USP29: variants seen among roughly 807,000 people sequenced by gnomAD.
USP29 encodes ubiquitin carboxyl-terminal hydrolase 29.
For missense variants in USP29, 1,102 were observed against 1,069.0 expected, an observed-to-expected ratio of 1.03 and a Z score of -0.43; for synonymous variants, 386 against 387.4, an observed-to-expected ratio of 1.00 and a Z score of 0.04.
upstream of USP29, among the ~76,000 whole-genome samples, chr19:57,119,713 G>A (rs1390450438): frequency 2.0e-5 from 3 of 152,114 alleles, no homozygotes; most frequent in Non-Finnish European, 2.9e-5. Flanking sequence ...GTGAGCCACC[G>A]CGCCCGGCCG....
At chr19:57,127,845 C>A (rs879521054) in intron 3 of USP29, among the ~76,000 whole-genome samples, 5 of 152,192 alleles carry the variant, frequency 3.3e-5, no homozygotes, top group Non-Finnish European at 5.9e-5. Context: ...TCAACTCTTG[C>A]AACTAGCTCG....
chr19:57,125,190 G>A (rs1242535196), intron 3 of USP29, among the ~76,000 whole-genome samples: 2 of 152,168 alleles, frequency 1.3e-5, no homozygotes, highest in African/African-American at 4.8e-5. Flanking sequence ...TTTTTAGTGA[G>A]TTTCTTAATC....
chr19:57,128,865 C>A lies in USP29; in HGVS notation c.190C>A (p.His64Asn), dbSNP rs759804630. ...SNNIRSVVLR[H>N]CKKRQSHLRL... Reference sequence around the variant, plus strand: ...CAACATTAGAAGTGTGGTCCTTAGACATTGTAAAAAAAGACAAAGTCACCT... The same window carrying A: ...CAACATTAGAAGTGTGGTCCTTAGAAATTGTAAAAAAAGACAAAGTCACCT... The change falls in exon 4 of 4, where the codon CAT (histidine) becomes AAT (asparagine). Residue 64 changes from histidine (H) to asparagine (N), a missense_variant. By Grantham distance (68) the His-to-Asn change is moderately conservative (BLOSUM62 1). Transcript: ENST00000254181. 17 of 1,613,072 alleles carry A rather than the reference C, an allele frequency of 1.1e-5. No homozygotes were observed. The highest frequency in any genetic ancestry group is 1.4e-5 in the Non-Finnish European group (17 of 1,179,794).
upstream of USP29, among the ~76,000 whole-genome samples, chr19:57,119,523 A>G (rs1340247814): frequency 6.6e-6 from 1 of 152,110 alleles, no homozygotes; most frequent in Non-Finnish European, 1.5e-5. Flanking sequence ...CCCGGGTTCA[A>G]GCGATTCTCC....
chr19:57,127,023 G>C, intron 3 of USP29, among the ~76,000 whole-genome samples: 1 of 152,146 alleles, frequency 6.6e-6, no homozygotes, highest in East Asian at 1.9e-4. Flanking sequence ...TCTTCTGCAG[G>C]TCTGCTGCAG....
Position 57,128,838 on chromosome 19 carries a change from A to G in USP29, c.163A>G (p.Asn55Asp). 6.2e-7 allele frequency: 1 copy of G among 1,614,060 alleles called. No individual in the cohort carries two copies. The highest frequency in any genetic ancestry group is 8.5e-7 in the Non-Finnish European group (1 of 1,179,986). Reference sequence around the variant, plus strand: ...ATTTATAAGAATTTTTCAGCTGAGCAACAACATTAGAAGTGTGGTCCTTAG... The same window carrying G: ...ATTTATAAGAATTTTTCAGCTGAGCGACAACATTAGAAGTGTGGTCCTTAG... ...GKFIRIFQLS[N>D]NIRSVVLRHC... Residue 55 changes from asparagine to aspartate, a missense_variant, in exon 4 of 4, where the codon AAC becomes GAC. By Grantham distance (23) the Asn-to-Asp change is conservative. Coordinates refer to ENST00000254181, the MANE Select transcript of USP29 (RefSeq NM_020903.3).
chr19:57,127,238 G>C (rs540229408), intron 3 of USP29, among the ~76,000 whole-genome samples: 1 of 152,178 alleles, frequency 6.6e-6, no homozygotes, highest in Admixed American at 6.5e-5. Flanking sequence ...GAAGGCACGG[G>C]GGTCAGGGAC....
rs1251235418 is a variant in USP29, at chr19:57,130,103, C to A, written c.1428C>A (p.Phe476Leu). The stretch of plus-strand genomic sequence containing the variant: ...CCATTCAGAATTCTTTAGATCTTTT[C>A]TTTAAAGAAGAAGAGCTTGAATATA... ...PLSIQNSLDL[F>L]FKEEELEYNC... The change falls in exon 4 of 4, where the codon TTC becomes TTA. Residue 476 changes from phenylalanine (F) to leucine (L), a missense_variant. Physicochemically the swap from Phe to Leu is conservative, Grantham distance 22. Coordinates refer to ENST00000254181, the MANE Select transcript of USP29 (RefSeq NM_020903.3). 3.7e-6 allele frequency: 6 copies of A among 1,613,442 alleles called. No individual in the cohort carries two copies. The highest frequency in any genetic ancestry group is 4.5e-5 in the East Asian group (2 of 44,864).
chr19:57,131,464 T>A lies in USP29; in HGVS notation c.*20T>A. On this transcript the variant is annotated 3_prime_UTR_variant, in exon 4 of 4. Transcript: ENST00000254181. The stretch of plus-strand genomic sequence containing the variant: ...GCTTGACAGACTCACTCGGCCTCAC[T>A]TCATCCTTGCAAAGAGAATCCTGTA... The A allele has an allele frequency of 6.4e-7, 1 of 1,572,412 alleles. No homozygotes were observed. Among genetic ancestry groups the A allele is most frequent in the Non-Finnish European group, 8.6e-7 (1 of 1,160,148 alleles).
intron 1 of USP29, among the ~76,000 whole-genome samples, chr19:57,121,013 T>A (rs2086792509): frequency 6.6e-6 from 1 of 150,566 alleles, no homozygotes; most frequent in Admixed American, 6.6e-5. Flanking sequence ...GAGAATCACT[T>A]GAACCCAGGA....
At chr19:57,127,011 C>T (rs958327809) in intron 3 of USP29, among the ~76,000 whole-genome samples, 1 of 152,118 alleles carries the variant, frequency 6.6e-6, no homozygotes, top group Non-Finnish European at 1.5e-5. Flanking sequence ...CAGTCAGGCC[C>T]CTCTTCTGCA....
In USP29 at chr19:57,131,230, C is replaced by T. The variant is rs1355669187; in HGVS notation, c.2555C>T (p.Ala852Val). 6.2e-7 allele frequency: 1 copy of T among 1,614,160 alleles called. No homozygotes were observed. The highest frequency in any genetic ancestry group is 1.1e-5 in the South Asian group (1 of 91,084). The change falls in exon 4 of 4, where the codon GCC becomes GTC. Residue 852 changes from alanine (A) to valine (V), a missense_variant. By Grantham distance (64) the Ala-to-Val change is moderately conservative. Coordinates refer to ENST00000254181, the MANE Select transcript of USP29 (RefSeq NM_020903.3). Reference sequence around the variant, plus strand: ...GATGTGTATGACTTTCAGAAGCAGGCCTGGTTCACATACAACGATCTATGT... The same window carrying T: ...GATGTGTATGACTTTCAGAAGCAGGTCTGGTTCACATACAACGATCTATGT... ...ISDVYDFQKQAWFTYNDLCVS... is the reference protein window; with the variant it reads ...ISDVYDFQKQVWFTYNDLCVS...
chr19:57,131,406 G>A lies in USP29; in HGVS notation c.2731G>A (p.Gly911Arg). The change falls in exon 4 of 4, where the codon GGG becomes AGG. Residue 911 changes from glycine (G) to arginine (R), a missense_variant. Coordinates refer to ENST00000254181, the MANE Select transcript of USP29 (RefSeq NM_020903.3). ...PSTQAGVIPQ[G>R]EYEGDSLYRP... ...CACACAGGCAGGGGTGATCCCTCAGGGGGAATACGAAGGTGACTCTTTGTA... is the reference window on the plus strand; with the variant it reads ...CACACAGGCAGGGGTGATCCCTCAGAGGGAATACGAAGGTGACTCTTTGTA... 2 of 1,613,870 alleles carry A rather than the reference G, an allele frequency of 1.2e-6. No homozygotes were observed. Among genetic ancestry groups the A allele is most frequent in the South Asian group, 1.1e-5 (1 of 91,044 alleles).
chr19:57,121,073 T>G (rs970891074), intron 1 of USP29, among the ~76,000 whole-genome samples: 1 of 149,346 alleles, frequency 6.7e-6, no homozygotes, highest in African/African-American at 2.5e-5. Context: ...CCAGCCTCGG[T>G]GACAGAGTGA....
intron 1 of USP29, among the ~76,000 whole-genome samples, chr19:57,121,321 GTACTTATATATTATATA>G (rs2086794499): frequency 7.1e-6 from 1 of 141,366 alleles, no homozygotes; most frequent in Non-Finnish European, 1.5e-5. Flanking sequence ...TATATGTTAT[GTACTTATATATTATATA>G]TACTTATATA....
rs2086856194 is a variant in USP29 at position 57,130,990 on chromosome 19, C to T, written c.2315C>T (p.Thr772Ile). The T allele has an allele frequency of 1.9e-6, 3 of 1,614,154 alleles. No homozygotes were observed. The highest frequency in any genetic ancestry group is 2.5e-6 in the Non-Finnish European group (3 of 1,180,020). ...EHTEETLNQS[T>I]ELRLQKADLN... ...ACAGAAGAGACCCTCAATCAGTCTA[C>T]AGAATTAAGACTTCAAAAGGCTGAC... The change falls in exon 4 of 4, where the codon ACA becomes ATA. Residue 772 changes from threonine (T) to isoleucine (I), a missense_variant. Transcript: ENST00000254181.
rs555969445 is a variant in USP29 at position 57,126,063 on chromosome 19, CTT to C, written c.-17+1925_-17+1926del. Among the ~76,000 whole-genome samples the C allele has an allele frequency of 5.9e-4, 89 of 151,820 alleles. 1 individual carries two copies. The South Asian group carries it at 0.018, about 30-fold the overall frequency. On this transcript the variant is annotated intron_variant, in intron 3 of 3. Coordinates refer to ENST00000254181, the MANE Select transcript of USP29 (RefSeq NM_020903.3). ...ATATGAAATTCAGGGTTGAAAATTCCTTAAGAACGTTGAATATTGGCCCCCAC... is the reference window on the plus strand; with the variant it reads ...ATATGAAATTCAGGGTTGAAAATTCCAAGAACGTTGAATATTGGCCCCCAC...
intron 3 of USP29, among the ~76,000 whole-genome samples, chr19:57,125,655 G>A (rs1249918783): frequency 6.6e-6 from 1 of 151,770 alleles, no homozygotes; most frequent in Non-Finnish European, 1.5e-5. Context: ...GCCTATGTAT[G>A]TCTTTGCACA....
intron 1 of USP29, among the ~76,000 whole-genome samples, chr19:57,121,251 A>C (rs1210031340): frequency 6.7e-6 from 1 of 148,468 alleles, no homozygotes; most frequent in Non-Finnish European, 1.5e-5. Flanking sequence ...AAAATGTAGG[A>C]TATATATGTT....
Sources: allele counts gnomAD v4.1 joint callset (sites outside exome capture counted in the v4.1 genomes callset), GRCh38; gene constraint gnomAD v4.1.1; transcripts MANE v1.5; gene names NCBI Gene and HGNC (gene_info 2026-07-23, HGNC 2026-07-21).